Variants in PLPPR1 observed in about 807,000 individuals in gnomAD.
The protein encoded by PLPPR1 is phospholipid phosphatase related 1.
Under a neutral mutation model 33.1 loss-of-function variants are expected in PLPPR1, and 10 were observed. That is an observed-to-expected ratio of 0.30 (90% CI 0.19 to 0.51). The LOEUF is 0.51. PLPPR1 is among the 20% of genes least tolerant of loss of function. The pLI is 0.97. For synonymous variants in PLPPR1, 151 were observed against 151.0 expected, an observed-to-expected ratio of 1.00 and a Z score of 0.00; for missense variants, 304 against 408.1, an observed-to-expected ratio of 0.74 and a Z score of 2.20.
At chr9:101,041,508 A>T (rs1340932532) in intron 1 of PLPPR1, among the ~76,000 whole-genome samples, 2 of 152,214 alleles carry the variant, frequency 1.3e-5, no homozygotes, top group African/African-American at 4.8e-5. Context: ...TTGAGGAAAC[A>T]CAAATTTCTA....
chr9:101,099,281 C>T (rs1251406734), intron 1 of PLPPR1, among the ~76,000 whole-genome samples: 3 of 152,108 alleles, frequency 2.0e-5, no homozygotes, highest in Admixed American at 6.5e-5. Flanking sequence ...CCTCCTAGCC[C>T]AGCACTGTTT....
intron 1 of PLPPR1, among the ~76,000 whole-genome samples, chr9:101,108,307 AG>A (rs1831004568): frequency 6.6e-6 from 1 of 152,236 alleles, no homozygotes; most frequent in Non-Finnish European, 1.5e-5. Flanking sequence ...TCTATGGACC[AG>A]GAGTTGTCAG....
intron 1 of PLPPR1, among the ~76,000 whole-genome samples, chr9:101,053,998 A>G (rs1215757866): frequency 6.6e-6 from 1 of 152,104 alleles, no homozygotes; most frequent in Non-Finnish European, 1.5e-5. Flanking sequence ...AGCCTGGCCA[A>G]CATAGTGAAA....
chr9:101,097,733 A>T (rs10819902), intron 1 of PLPPR1, among the ~76,000 whole-genome samples: 64,604 of 151,994 alleles, frequency 0.43, 13,989 homozygotes, highest in Non-Finnish European at 0.47. Context: ...AATGGAATCC[A>T]CCCAGAGGAG....
chr9:101,239,995 CTTAAG>C (rs907450588), intron 2 of PLPPR1, among the ~76,000 whole-genome samples: 14 of 152,108 alleles, frequency 9.2e-5, no homozygotes, highest in South Asian at 6.2e-4. Context: ...AAACATTTCT[CTTAAG>C]TTATCTCCTA....
intron 1 of PLPPR1, among the ~76,000 whole-genome samples, chr9:101,143,573 A>C (rs1404140852): frequency 2.0e-5 from 3 of 152,180 alleles, no homozygotes; most frequent in African/African-American, 7.2e-5. Flanking sequence ...AACTTAAACA[A>C]ATTTACAAGA....
intron 2 of PLPPR1, among the ~76,000 whole-genome samples, chr9:101,217,514 C>A (rs1826825808): frequency 6.6e-6 from 1 of 152,194 alleles, no homozygotes; most frequent in Admixed American, 6.5e-5. Flanking sequence ...GCTCCACATT[C>A]TCAATTTTTA....
At chr9:101,071,982 A>G (rs914691973) in intron 1 of PLPPR1, among the ~76,000 whole-genome samples, 5 of 152,158 alleles carry the variant, frequency 3.3e-5, no homozygotes, top group South Asian at 4.1e-4. Flanking sequence ...CAGTGTATCT[A>G]TGAATCATTT....
At chr9:101,099,528 G>T (rs56159167) in intron 1 of PLPPR1, among the ~76,000 whole-genome samples, 44,941 of 151,934 alleles carry the variant, frequency 0.3, 7,774 homozygotes, top group East Asian at 0.61. Flanking sequence ...GAAAATACAT[G>T]GGGAGAAAAA....
At chr9:101,168,744 T>C (rs1328699364) in intron 1 of PLPPR1, among the ~76,000 whole-genome samples, 2 of 152,116 alleles carry the variant, frequency 1.3e-5, no homozygotes, top group East Asian at 3.9e-4. Context: ...GTCTTCAAAA[T>C]AATTTAGTTA....
chr9:101,244,033 A>C (rs72741489), intron 2 of PLPPR1, among the ~76,000 whole-genome samples: 9,480 of 151,742 alleles, frequency 0.062, 406 homozygotes, highest in South Asian at 0.14. Context: ...AAATAACCCC[A>C]AAAAAAGGGA....
Position 101,181,759 on chromosome 9 carries a change from CACAT to C in PLPPR1, c.-45-3685_-45-3682del, listed in dbSNP as rs1170410176. ...TGTGTATATATACACACACACAACA[CACAT>C]ACATATATACACACACATACCTAAT... On this transcript the variant is annotated intron_variant, in intron 1 of 7. Coordinates refer to ENST00000374874, the MANE Select transcript of PLPPR1 (RefSeq NM_207299.2). 3.4e-5 allele frequency among the ~76,000 whole-genome samples: 5 copies of C among 145,164 alleles called. No homozygotes were observed. The East Asian group carries it at 8.1e-4, about 24-fold the overall frequency.
intron 1 of PLPPR1, among the ~76,000 whole-genome samples, chr9:101,150,837 A>G (rs1042830808): frequency 1.3e-5 from 2 of 151,026 alleles, no homozygotes; most frequent in East Asian, 3.9e-4. Flanking sequence ...GTGAACTCAG[A>G]TCTCATTGCC....
At chr9:101,081,808 T>C (rs1830622782) in intron 1 of PLPPR1, among the ~76,000 whole-genome samples, 1 of 152,214 alleles carries the variant, frequency 6.6e-6, no homozygotes, top group Admixed American at 6.5e-5. Flanking sequence ...TGTTGAAATG[T>C]GTTATCAGGG....
intron 2 of PLPPR1, among the ~76,000 whole-genome samples, chr9:101,268,903 A>G (rs1234409639): frequency 1.3e-5 from 2 of 152,164 alleles, no homozygotes; most frequent in Non-Finnish European, 2.9e-5. Flanking sequence ...TAATTTTTGG[A>G]TAATCAGGCA....
chr9:101,309,199 A>G lies in PLPPR1; in HGVS notation c.386-12A>G. 1 of 1,613,932 alleles carries G rather than the reference A, an allele frequency of 6.2e-7. No homozygotes were observed. Among genetic ancestry groups the G allele is most frequent in the Non-Finnish European group, 8.5e-7 (1 of 1,179,886 alleles). On this transcript the variant is annotated splice_polypyrimidine_tract_variant and intron_variant, in intron 4 of 7. Coordinates refer to ENST00000374874, the MANE Select transcript of PLPPR1 (RefSeq NM_207299.2). Reference sequence around the variant, plus strand: ...ATGTTACCATTCCTAATGATTTTAAATCTTCTTATAGGGGTGTTTGCATTT... The same window carrying G: ...ATGTTACCATTCCTAATGATTTTAAGTCTTCTTATAGGGGTGTTTGCATTT...
At chr9:101,222,023 A>G (rs190124705) in intron 2 of PLPPR1, among the ~76,000 whole-genome samples, 181 of 152,298 alleles carry the variant, frequency 1.2e-3, no homozygotes, top group Non-Finnish European at 2.2e-3. Context: ...TATAACAACA[A>G]CAGCATCTAT....
intron 1 of PLPPR1, among the ~76,000 whole-genome samples, chr9:101,124,590 G>A (rs2118599794): frequency 6.6e-6 from 1 of 152,238 alleles, no homozygotes; most frequent in Admixed American, 6.5e-5. Flanking sequence ...CTGTAGCCAG[G>A]AGGCCACTGA....
At chr9:101,234,141 T>C (rs1245971622) in intron 2 of PLPPR1, among the ~76,000 whole-genome samples, 3 of 151,944 alleles carry the variant, frequency 2.0e-5, no homozygotes, top group South Asian at 4.2e-4. Flanking sequence ...TCAGCTTAGT[T>C]TGTGTGACTT....
Sources: allele counts gnomAD v4.1 joint callset (sites outside exome capture counted in the v4.1 genomes callset), GRCh38; gene constraint gnomAD v4.1.1; transcripts MANE v1.5; gene names NCBI Gene and HGNC (gene_info 2026-07-23, HGNC 2026-07-21).